Variants in NFASC observed in about 807,000 individuals in gnomAD.
The protein encoded by NFASC is neurofascin, also known as neurofascin homolog.
In NFASC, 43 loss-of-function variants were observed where a neutral mutation model predicts 147.5. The ratio of observed to expected loss-of-function variants is 0.29; its 90% confidence interval spans 0.23 to 0.38. NFASC has a LOEUF of 0.38. Among genes scored for constraint, NFASC ranks in the 10% least tolerant of loss-of-function variants. The pLI is 1.00. For synonymous variants in NFASC, 622 were observed against 665.5 expected, an observed-to-expected ratio of 0.93 and a Z score of 1.01; for missense variants, 1,320 against 1,689.0, an observed-to-expected ratio of 0.78 and a Z score of 3.83.
chr1:204,900,242 G>A (rs888537049), intron 1 of NFASC, among the ~76,000 whole-genome samples: 11 of 152,198 alleles, frequency 7.2e-5, no homozygotes, highest in African/African-American at 2.7e-4. Context: ...TCAATACTGT[G>A]CTTGGGCTGA....
chr1:204,847,329 G>A (rs1313941099), intron 1 of NFASC, among the ~76,000 whole-genome samples: 8 of 152,114 alleles, frequency 5.3e-5, no homozygotes, highest in Non-Finnish European at 1.0e-4. Flanking sequence ...TTCTACTTAC[G>A]ACATTTTTTC....
rs72753449 is a variant in NFASC, at chr1:204,991,987, A to G, written c.2782+681A>G. Among the ~76,000 whole-genome samples the G allele has an allele frequency of 5.5e-3, 836 of 152,262 alleles. 12 individuals carry two copies. The highest frequency in any genetic ancestry group is 0.011 in the South Asian group (54 of 4,820). On this transcript the variant is annotated intron_variant, in intron 24 of 29. Coordinates refer to ENST00000339876, the MANE Select transcript of NFASC (RefSeq NM_001005388.3). Reference sequence around the variant, plus strand: ...TAAGAACAGTCTCCACTCTCGGGGTATGGGAGGTAGATCTACAGTGGACTA... The same window carrying G: ...TAAGAACAGTCTCCACTCTCGGGGTGTGGGAGGTAGATCTACAGTGGACTA...
intron 8 of NFASC, among the ~76,000 whole-genome samples, chr1:204,960,474 G>A (rs534624598): frequency 1.3e-5 from 2 of 152,326 alleles, no homozygotes; most frequent in Admixed American, 1.3e-4. Context: ...GCAGACACCA[G>A]GGCACACCCC....
At chr1:204,866,814 G>A (rs2077144605) in intron 1 of NFASC, among the ~76,000 whole-genome samples, 1 of 152,216 alleles carries the variant, frequency 6.6e-6, no homozygotes, top group Non-Finnish European at 1.5e-5. Context: ...TCTTTGCTTA[G>A]TGATGGAGAT....
chr1:204,919,969 A>T (rs1397422635), intron 1 of NFASC, among the ~76,000 whole-genome samples: 1 of 152,202 alleles, frequency 6.6e-6, no homozygotes. Flanking sequence ...GGAATATGTT[A>T]TTGCTACCAA....
intron 20 of NFASC, 141 bp from the exon 21 acceptor site, chr1:204,981,657 G>C: frequency 2.0e-6 from 1 of 497,444 alleles, no homozygotes; most frequent in Non-Finnish European, 3.5e-6. Context: ...TGGGGGATAT[G>C]GTCTTCCCTA....
At chr1:204,902,940 A>G (rs12755184) in intron 1 of NFASC, among the ~76,000 whole-genome samples, 8,650 of 152,294 alleles carry the variant, frequency 0.057, 654 homozygotes, top group African/African-American at 0.17. Context: ...AGCCATGTCC[A>G]GCGGCACATG....
chr1:204,974,038 A>T, intron 12 of NFASC, 141 bp from the exon 13 acceptor site: 1 of 646,102 alleles, frequency 1.5e-6, no homozygotes, highest in Non-Finnish European at 2.7e-6. Context: ...GGGCTTCCTG[A>T]AGGAGGGAAG....
intron 7 of NFASC, among the ~76,000 whole-genome samples, chr1:204,956,400 A>G (rs953993571): frequency 6.6e-6 from 1 of 152,060 alleles, no homozygotes; most frequent in Non-Finnish European, 1.5e-5. Context: ...TGAGTGGACT[A>G]TGTACTCTTA....
intron 21 of NFASC, among the ~76,000 whole-genome samples, chr1:204,985,574 C>A (rs996330868): frequency 1.3e-5 from 2 of 152,136 alleles, no homozygotes; most frequent in African/African-American, 4.8e-5. Flanking sequence ...GGCACGGACT[C>A]CCTGAGCAAC....
At chr1:204,861,802 T>C (rs1446571444) in intron 1 of NFASC, among the ~76,000 whole-genome samples, 1 of 152,172 alleles carries the variant, frequency 6.6e-6, no homozygotes, top group African/African-American at 2.4e-5. Context: ...TCTCACTTCT[T>C]GACACATGCC....
At chr1:204,941,346 TC>T (rs1430351887) in intron 2 of NFASC, among the ~76,000 whole-genome samples, 1 of 152,266 alleles carries the variant, frequency 6.6e-6, no homozygotes, top group African/African-American at 2.4e-5. Context: ...AGATTCTTTT[TC>T]CACTCTATTG....
At chr1:205,009,470 G>C in intron 27 of NFASC, 87 bp from the exon 28 acceptor site, 1 of 1,416,078 alleles carries the variant, frequency 7.1e-7, no homozygotes, top group East Asian at 2.3e-5. Context: ...ATCCACATGA[G>C]ATAGCTGAAG....
At position 204,840,071 on chromosome 1, in the gene NFASC, T is replaced by C. The variant is rs1365571986; in HGVS notation, c.-200+11289T>C. Among the ~76,000 whole-genome samples the C allele has an allele frequency of 2.0e-5, 3 of 152,308 alleles. No homozygotes were observed. The East Asian group carries it at 5.8e-4, about 29-fold the overall frequency. On this transcript the variant is annotated intron_variant, in intron 1 of 29. Coordinates refer to ENST00000339876, the MANE Select transcript of NFASC (RefSeq NM_001005388.3). Reference sequence around the variant, plus strand: ...TTCACCATCCTCCACATAGTGCTTCTCAGTCCTCCACATGCACACAGATCA... The same window carrying C: ...TTCACCATCCTCCACATAGTGCTTCCCAGTCCTCCACATGCACACAGATCA...
At chr1:204,864,647 T>C (rs980182370) in intron 1 of NFASC, among the ~76,000 whole-genome samples, 12 of 152,354 alleles carry the variant, frequency 7.9e-5, no homozygotes, top group East Asian at 3.9e-4. Flanking sequence ...GAACATCTTT[T>C]CATGTGCTTC....
chr1:204,952,344 G>T (rs920031762), intron 5 of NFASC, among the ~76,000 whole-genome samples: 1 of 152,200 alleles, frequency 6.6e-6, no homozygotes, highest in African/African-American at 2.4e-5. Flanking sequence ...GCCAGGACTG[G>T]ATGTTCAGTT....
At chr1:205,014,567 G>A (rs914842938) in intron 29 of NFASC, among the ~76,000 whole-genome samples, 1 of 152,116 alleles carries the variant, frequency 6.6e-6, no homozygotes, top group African/African-American at 2.4e-5. Flanking sequence ...CAGAAGTGAG[G>A]CTGACAGGTG....
chr1:205,012,985 T>C, intron 29 of NFASC, 119 bp downstream of exon 29: 2 of 737,900 alleles, frequency 2.7e-6, no homozygotes, highest in Non-Finnish European at 4.8e-6. Context: ...CCTTGCCCAT[T>C]GGGCTGTGAC....
intron 11 of NFASC, among the ~76,000 whole-genome samples, chr1:204,972,065 C>T (rs900965645): frequency 5.9e-5 from 9 of 152,222 alleles, no homozygotes; most frequent in Admixed American, 2.0e-4. Flanking sequence ...CTTCCTTGGT[C>T]CCTTTTCACT....
Sources: gnomAD v4.1 joint callset for allele counts (sites outside exome capture counted in the v4.1 genomes callset) on GRCh38, gnomAD v4.1.1 for gene constraint, MANE v1.5 for transcripts, NCBI Gene and HGNC (gene_info 2026-07-23, HGNC 2026-07-21) for gene names.